ABCC1: variants seen among roughly 807,000 people sequenced by gnomAD.
ABCC1 encodes ATP binding cassette subfamily C member 1 (ABCC1 blood group).
A neutral mutation model predicts 172.9 loss-of-function variants in ABCC1; 83 were observed. The observed-to-expected ratio is 0.48, with a 90% CI of 0.40 to 0.58. The LOEUF is 0.58. Ranked by LOEUF, ABCC1 falls within the 20% of genes least tolerant of loss-of-function variation. The pLI, the probability that ABCC1 is intolerant of heterozygous loss-of-function variation, is 0.00. For synonymous variants in ABCC1, 937 were observed against 825.2 expected, an observed-to-expected ratio of 1.14 and a Z score of -2.32; for missense variants, 1,817 against 2,002.7, an observed-to-expected ratio of 0.91 and a Z score of 1.77.
chr16:16,086,349 C>T (rs201332955), intron 17 of ABCC1, among the ~76,000 whole-genome samples: 9 of 152,202 alleles, frequency 5.9e-5, no homozygotes, highest in African/African-American at 9.7e-5. Flanking sequence ...TTTGTGCAGG[C>T]GTGACCTCAT....
chr16:16,116,548 A>C (rs1293027310), intron 23 of ABCC1, among the ~76,000 whole-genome samples: 1 of 152,116 alleles, frequency 6.6e-6, no homozygotes, highest in South Asian at 2.1e-4. Flanking sequence ...ACTTCTCCAC[A>C]TTAGAGGCGT....
chr16:15,954,401 G>A (rs1213043788), intron 1 of ABCC1, among the ~76,000 whole-genome samples: 2 of 152,084 alleles, frequency 1.3e-5, no homozygotes, highest in Non-Finnish European at 2.9e-5. Flanking sequence ...GTGTTAGAGT[G>A]GAAAGGGATG....
chr16:16,045,693 A>G (rs1261863032), intron 8 of ABCC1, 143 bp from the exon 9 acceptor site: 14 of 839,930 alleles, frequency 1.7e-5, no homozygotes, highest in Non-Finnish European at 2.6e-5. Context: ...ACCACTGTGG[A>G]CTTGTTTTTC....
At chr16:16,062,232 A>C (rs541521863) in intron 12 of ABCC1, among the ~76,000 whole-genome samples, 1 of 152,370 alleles carries the variant, frequency 6.6e-6, no homozygotes, top group Non-Finnish European at 1.5e-5. Context: ...GGCAAAACCC[A>C]CAGTTTCCAG....
At chr16:16,108,771 AT>A (rs2052258656) in intron 21 of ABCC1, among the ~76,000 whole-genome samples, 1 of 151,080 alleles carries the variant, frequency 6.6e-6, no homozygotes, top group African/African-American at 2.4e-5. Flanking sequence ...AATTTTTTTA[AT>A]TTTTTTGTGG....
At chr16:16,002,505 G>A (rs886568649) in intron 1 of ABCC1, among the ~76,000 whole-genome samples, 18 of 152,160 alleles carry the variant, frequency 1.2e-4, no homozygotes, top group African/African-American at 4.1e-4. Flanking sequence ...GTGTGCGGTG[G>A]TTCACACCTG....
intron 17 of ABCC1, among the ~76,000 whole-genome samples, chr16:16,085,517 C>T (rs898921611): frequency 6.6e-6 from 1 of 152,224 alleles, no homozygotes; most frequent in South Asian, 2.1e-4. Flanking sequence ...CGGTAGCTCA[C>T]GCCTATAATC....
In ABCC1 at chr16:16,006,951, TTGG is replaced by T. The variant is rs1266792376; in HGVS notation, c.49-856_49-854del. Among the ~76,000 whole-genome samples, 5 of 151,244 alleles carry T rather than the reference TTGG, an allele frequency of 3.3e-5. No homozygotes were observed. The East Asian group carries it at 9.8e-4, about 30-fold the overall frequency. ...GGTGGTGATGGTGTTGGCAGTGATA[TTGG>T]TGGTGGTGATGGTCATAGTGGGGAA... On this transcript the variant is annotated intron_variant, in intron 1 of 30. Transcript: ENST00000399410.
In ABCC1 at chr16:16,141,209, C is replaced by CTCCTTT. The variant is rs2046114471; in HGVS notation, c.4524_4525insTCCTTT (p.Tyr1508_Gly1509insSerPhe). 1 of 1,613,838 alleles carries CTCCTTT rather than the reference C, an allele frequency of 6.2e-7. No homozygotes were observed. The highest frequency in any genetic ancestry group is 1.3e-5 in the African/African-American group (1 of 74,892). On this transcript the variant is annotated inframe_insertion, in exon 31 of 31. Transcript: ENST00000399410. ...TGGACAAAGGAGAAATCCAGGAGTA[C>CTCCTTT]GGCGCCCCATCGGACCTCCTGCAGC...
At chr16:16,070,106 G>A (rs533528967) in intron 13 of ABCC1, among the ~76,000 whole-genome samples, 1 of 152,254 alleles carries the variant, frequency 6.6e-6, no homozygotes, top group African/African-American at 2.4e-5. Flanking sequence ...TTTTGGCTGG[G>A]CGCAGTGGCT....
intron 15 of ABCC1, 107 bp from the exon 16 acceptor site, chr16:16,079,245 G>A: frequency 2.6e-6 from 4 of 1,512,120 alleles, no homozygotes; most frequent in Non-Finnish European, 2.7e-6. Flanking sequence ...CTTGCCTTCT[G>A]TCTTTCTCTT....
chr16:15,964,070 A>G (rs1235762629), intron 1 of ABCC1, among the ~76,000 whole-genome samples: 1 of 151,562 alleles, frequency 6.6e-6, no homozygotes, highest in African/African-American at 2.4e-5. Flanking sequence ...CAGCATCCCG[A>G]GTAGCTGGGA....
At chr16:16,135,331 C>A in intron 28 of ABCC1, among the ~76,000 whole-genome samples, 1 of 152,216 alleles carries the variant, frequency 6.6e-6, no homozygotes, top group Non-Finnish European at 1.5e-5. Flanking sequence ...TCTGTCCCCA[C>A]TTATGGAGGC....
At chr16:16,003,003 A>G (rs1405738328) in intron 1 of ABCC1, among the ~76,000 whole-genome samples, 1 of 152,218 alleles carries the variant, frequency 6.6e-6, no homozygotes. Context: ...GTAATTTGAA[A>G]GAGTTTTAGC....
chr16:15,985,946 C>CAG (rs1388464285), intron 1 of ABCC1, among the ~76,000 whole-genome samples: 2 of 152,002 alleles, frequency 1.3e-5, no homozygotes, highest in African/African-American at 4.8e-5. Context: ...TGTCCCTCCA[C>CAG]CCCTGCTTGT....
At chr16:16,063,456 A>G (rs151114328) in intron 12 of ABCC1, among the ~76,000 whole-genome samples, 200 of 152,284 alleles carry the variant, frequency 1.3e-3, no homozygotes, top group African/African-American at 4.6e-3. Flanking sequence ...GGACCTTGGC[A>G]AATAGTTCAT....
intron 1 of ABCC1, among the ~76,000 whole-genome samples, chr16:16,002,876 T>G (rs1253755117): frequency 1.3e-5 from 2 of 152,158 alleles, no homozygotes; most frequent in Admixed American, 6.6e-5. Context: ...ATAGGTCGTA[T>G]TTGGAATATA....
chr16:16,072,631 C>T (rs2050395622), intron 14 of ABCC1, among the ~76,000 whole-genome samples: 2 of 151,962 alleles, frequency 1.3e-5, no homozygotes, highest in South Asian at 4.2e-4. Flanking sequence ...GCCACTGCAC[C>T]TGGCCATGCA....
At chr16:16,074,382 C>T (rs568834333) in intron 14 of ABCC1, among the ~76,000 whole-genome samples, 7 of 152,300 alleles carry the variant, frequency 4.6e-5, no homozygotes, top group Non-Finnish European at 1.0e-4. Flanking sequence ...CATCCCCTCA[C>T]ATCATAAGGC....
Sources: gnomAD v4.1 joint callset for allele counts (sites outside exome capture counted in the v4.1 genomes callset) on GRCh38, gnomAD v4.1.1 for gene constraint, MANE v1.5 for transcripts, NCBI Gene and HGNC (gene_info 2026-07-23, HGNC 2026-07-21) for gene names.